DEPDC5: variants seen among roughly 807,000 people sequenced by gnomAD.
DEPDC5 encodes DEP domain containing 5, GATOR1 subcomplex subunit.
DEPDC5 carries 73 observed loss-of-function variants against 217.3 expected under a neutral mutation model. That is an observed-to-expected ratio of 0.34 (90% CI 0.28 to 0.41). DEPDC5 has a LOEUF of 0.41. Ranked by LOEUF, DEPDC5 falls within the 10% of genes least tolerant of loss-of-function variation. The pLI is 1.00. For missense variants in DEPDC5, 1,675 were observed against 2,070.1 expected, an observed-to-expected ratio of 0.81 and a Z score of 3.70; for synonymous variants, 733 against 756.7, an observed-to-expected ratio of 0.97 and a Z score of 0.51.
intron 41 of DEPDC5, among the ~76,000 whole-genome samples, chr22:31,904,032 A>G (rs1602994083): frequency 6.6e-6 from 1 of 152,278 alleles, no homozygotes; most frequent in East Asian, 1.9e-4. Context: ...CATCTCAGAA[A>G]GAGCTAAAAA....
intron 7 of DEPDC5, among the ~76,000 whole-genome samples, chr22:31,777,481 C>T (rs146359830): frequency 2.6e-5 from 4 of 151,366 alleles, no homozygotes; most frequent in East Asian, 1.9e-4. Context: ...AGGCTGATCT[C>T]GAACTCCTGA....
At chr22:31,868,818 G>A (rs2092759171) in intron 33 of DEPDC5, among the ~76,000 whole-genome samples, 1 of 152,162 alleles carries the variant, frequency 6.6e-6, no homozygotes, top group South Asian at 2.1e-4. Context: ...AAGTTAGGAG[G>A]TTCTAAGAGC....
chr22:31,849,904 A>G (rs1159825763), intron 31 of DEPDC5, among the ~76,000 whole-genome samples: 2 of 152,208 alleles, frequency 1.3e-5, no homozygotes, highest in African/African-American at 4.8e-5. Flanking sequence ...GTCCCTCCCA[A>G]GACACATGGG....
At chr22:31,886,775 A>AAGAGAGAG (rs1235219932) in intron 38 of DEPDC5, among the ~76,000 whole-genome samples, 1 of 133,420 alleles carries the variant, frequency 7.5e-6, no homozygotes, top group Non-Finnish European at 1.5e-5. Flanking sequence ...AAAAAAAAAA[A>AAGAGAGAG]AGAGAGAGAG....
Position 31,819,059 on chromosome 22 carries a change from C to T in DEPDC5, c.1704C>T (p.Asp568=). 6.2e-7 allele frequency: 1 copy of T among 1,614,212 alleles called. No individual in the cohort carries two copies. The highest frequency in any genetic ancestry group is 8.5e-7 in the Non-Finnish European group (1 of 1,180,032). Residue 568 remains aspartate, a synonymous_variant, in exon 22 of 43, where the codon GAC becomes GAT. Coordinates refer to ENST00000651528, the MANE Select transcript of DEPDC5 (RefSeq NM_001242896.3). ...ACATGATGGAGCCACCACAGCGAGA[C>T]TCCAGTGCACCAGGGAGGTTTCACG... is the stretch of plus-strand genomic sequence containing the variant. ...LENMMEPPQR[D]SSAPGRFHVG...
intron 33 of DEPDC5, among the ~76,000 whole-genome samples, chr22:31,866,232 T>C (rs1390465783): frequency 1.3e-5 from 2 of 152,134 alleles, no homozygotes; most frequent in Non-Finnish European, 1.5e-5. Context: ...GTGCTGCTGC[T>C]GAGAGGTTTG....
rs76801014 is a variant in DEPDC5, at chr22:31,835,820, A to G, written c.2171-1152A>G. On this transcript the variant is annotated intron_variant, in intron 25 of 42. Transcript: ENST00000651528. ...ATGAATTAGATCTGTTGCAGGCTAA[A>G]TCATCTTCCCCAAGTCAGTGGTGCC... Among the ~76,000 whole-genome samples, 130 of 152,324 alleles carry G rather than the reference A, an allele frequency of 8.5e-4. 1 individual carries two copies. In the East Asian group the frequency reaches 0.012, roughly 14 times the overall value.
At chr22:31,874,065 T>C in intron 35 of DEPDC5, 1 of 641,258 alleles carries the variant, frequency 1.6e-6, no homozygotes, top group Non-Finnish European at 2.4e-6. Flanking sequence ...AGTGCTGGGA[T>C]TACAGGCGTG....
intron 37 of DEPDC5, among the ~76,000 whole-genome samples, chr22:31,876,889 A>G (rs1194426726): frequency 1.3e-5 from 2 of 152,200 alleles, no homozygotes; most frequent in Non-Finnish European, 2.9e-5. Context: ...ATGCTGGCTC[A>G]TACCTGTAAT....
chr22:31,796,131 C>T (rs1295674959), intron 12 of DEPDC5, among the ~76,000 whole-genome samples: 8 of 145,548 alleles, frequency 5.5e-5, no homozygotes, highest in Non-Finnish European at 8.9e-5. Flanking sequence ...GGCGAAGTCT[C>T]GCTCTGTCGC....
At chr22:31,833,212 G>A (rs973219965) in intron 24 of DEPDC5, among the ~76,000 whole-genome samples, 10 of 152,140 alleles carry the variant, frequency 6.6e-5, no homozygotes, top group African/African-American at 2.4e-4. Flanking sequence ...AGAATTTTCT[G>A]ATAAATATAT....
At chr22:31,886,601 T>C (rs956423623) in intron 38 of DEPDC5, among the ~76,000 whole-genome samples, 2 of 140,350 alleles carry the variant, frequency 1.4e-5, no homozygotes, top group East Asian at 4.3e-4. Flanking sequence ...CTCTACTAAA[T>C]ATACAAAAAT....
In DEPDC5 at chr22:31,897,673, G is replaced by A; in HGVS notation, c.4375+20G>A. Reference sequence around the variant, plus strand: ...TTGATAGTAAGAAATATTCCCTTCTGGAGGTTGTCTCAACCAGTAAGACCC... The same window carrying A: ...TTGATAGTAAGAAATATTCCCTTCTAGAGGTTGTCTCAACCAGTAAGACCC... On this transcript the variant is annotated intron_variant, in intron 40 of 42. Coordinates refer to ENST00000651528, the MANE Select transcript of DEPDC5 (RefSeq NM_001242896.3). The A allele has an allele frequency of 1.2e-6, 2 of 1,611,914 alleles. No homozygotes were observed. Among genetic ancestry groups the A allele is most frequent in the East Asian group, 4.5e-5 (2 of 44,856 alleles).
rs376438394 is a variant in DEPDC5 at position 31,873,316 on chromosome 22, G to A, written c.3547G>A (p.Ala1183Thr). ...CTCTACCCTGACAGAGATCCTGGAA[G>A]CCATGAAGCACCCCTCGTAAGTGGC... ...SSSTLTEILE[A>T]MKHPSTGVQL... The change falls in exon 35 of 43, where the codon GCC (alanine) becomes ACC (threonine). Residue 1183 changes from alanine to threonine, a missense_variant. By Grantham distance (58) the Ala-to-Thr change is moderately conservative (BLOSUM62 0). Transcript: ENST00000651528. 5.2e-5 allele frequency: 84 copies of A among 1,613,892 alleles called. No homozygotes were observed. The highest frequency in any genetic ancestry group is 6.7e-5 in the Non-Finnish European group (79 of 1,179,920).
rs2093751540 is a variant in DEPDC5, at chr22:31,906,018, G to A, written c.4471G>A (p.Ala1491Thr). ...GFVQDKYSAS[A>T]FNFPAENKPQ... ...TGTACAAGATAAATATTCTGCCTCT[G>A]CTTTTAACTTCCCTGCTGAGAACAA... Residue 1491 changes from alanine (A) to threonine (T), a missense_variant, in exon 42 of 43, where the codon GCT becomes ACT. Around this residue, in one of 11 missense-constraint regions of DEPDC5, gnomAD observed 182 missense variants for 290.1 expected, o/e 0.63. Coordinates refer to ENST00000651528, the MANE Select transcript of DEPDC5 (RefSeq NM_001242896.3). This position sits in a 1 kb window ranked among gnomAD's most constrained non-coding sequence, Gnocchi z 5.1. The A allele has an allele frequency of 6.2e-7, 1 of 1,614,138 alleles. No individual in the cohort carries two copies. Among genetic ancestry groups the A allele is most frequent in the Middle Eastern group, 1.6e-4 (1 of 6,062 alleles).
At chr22:31,868,601 A>AT (rs1406233003) in intron 33 of DEPDC5, among the ~76,000 whole-genome samples, 1 of 151,940 alleles carries the variant, frequency 6.6e-6, no homozygotes, top group African/African-American at 2.4e-5. Context: ...TAATTTTTGC[A>AT]TTTTTTGTAG....
intron 31 of DEPDC5, among the ~76,000 whole-genome samples, chr22:31,854,962 T>G (rs1021821160): frequency 4.0e-5 from 6 of 151,840 alleles, no homozygotes; most frequent in African/African-American, 1.2e-4. Context: ...TTGCTGGTTT[T>G]TTTTTTTTTT....
chr22:31,856,203 GACAC>G (rs796449578), intron 31 of DEPDC5, among the ~76,000 whole-genome samples: 99 of 133,782 alleles, frequency 7.4e-4, no homozygotes, highest in Middle Eastern at 3.5e-3. Flanking sequence ...CATTGCCTAT[GACAC>G]ACACACACAC....
chr22:31,754,525 C>G (rs1022915681), intron 1 of DEPDC5, among the ~76,000 whole-genome samples: 2 of 152,248 alleles, frequency 1.3e-5, no homozygotes, highest in African/African-American at 2.4e-5. Flanking sequence ...GTGGGCTAAC[C>G]TCTTTTAAGA....
Sources: allele counts gnomAD v4.1 joint callset (sites outside exome capture counted in the v4.1 genomes callset), GRCh38; gene constraint gnomAD v4.1.1; regional missense constraint gnomAD v4.1.1; non-coding constraint Gnocchi (gnomAD v3.1); transcripts MANE v1.5; gene names NCBI Gene and HGNC (gene_info 2026-07-23, HGNC 2026-07-21).